Variants in IL1RAPL1 observed in about 807,000 individuals in gnomAD.
IL1RAPL1 encodes the protein interleukin-1 receptor accessory protein-like 1.
A neutral mutation model predicts 48.4 loss-of-function variants in IL1RAPL1; 3 were observed. The ratio of observed to expected loss-of-function variants is 0.06; its 90% confidence interval spans 0.03 to 0.16. The LOEUF is 0.16. Ranked by LOEUF, IL1RAPL1 falls within the 10% of genes least tolerant of loss-of-function variation. The pLI is 1.00. For synonymous variants in IL1RAPL1, 185 were observed against 187.7 expected, an observed-to-expected ratio of 0.99 and a Z score of 0.12; for missense variants, 349 against 530.6, an observed-to-expected ratio of 0.66 and a Z score of 3.36.
chrX:28,688,120 A>G (rs1044580772), intron 1 of IL1RAPL1, among the ~76,000 whole-genome samples: 6 of 109,361 alleles, frequency 5.5e-5, no homozygotes, highest in African/African-American at 2.0e-4. Context: ...AAAAAAAAAA[A>G]AAAGAGAAAA....
At chrX:29,766,778 T>C (rs183000858) in intron 6 of IL1RAPL1, among the ~76,000 whole-genome samples, 1,164 of 104,390 alleles carry the variant, frequency 0.011, 6 homozygotes, top group Non-Finnish European at 0.017. Context: ...ATTATAATTA[T>C]ATAAATATAA....
At chrX:29,929,803 A>G (rs186187120) in intron 8 of IL1RAPL1, among the ~76,000 whole-genome samples, 3 of 111,737 alleles carry the variant, frequency 2.7e-5, no homozygotes, top group African/African-American at 6.5e-5. Flanking sequence ...AATGAATTTG[A>G]CTTAAAAATT....
chrX:29,428,229 T>G (rs1934372753), intron 5 of IL1RAPL1, among the ~76,000 whole-genome samples: 1 of 112,013 alleles, frequency 8.9e-6, no homozygotes, highest in Admixed American at 9.5e-5. Context: ...ACAAAGGCTT[T>G]CAACAGCCAT....
At chrX:29,553,655 C>A (rs1921894323) in intron 5 of IL1RAPL1, among the ~76,000 whole-genome samples, 1 of 111,240 alleles carries the variant, frequency 9.0e-6, no homozygotes, top group Non-Finnish European at 1.9e-5. Context: ...GCTTTTTCCT[C>A]CTGGAAAATA....
intron 2 of IL1RAPL1, among the ~76,000 whole-genome samples, chrX:28,935,306 G>T (rs1381208962): frequency 9.0e-6 from 1 of 111,178 alleles, no homozygotes; most frequent in African/African-American, 3.3e-5. Flanking sequence ...AAAGCGTAAG[G>T]CAGAGTTCCA....
intron 1 of IL1RAPL1, among the ~76,000 whole-genome samples, chrX:28,751,026 C>A (rs1056577627): frequency 7.1e-5 from 8 of 111,973 alleles, no homozygotes; most frequent in Non-Finnish European, 1.5e-4. Flanking sequence ...TTAATTCAAC[C>A]GTGATTCTGT....
At chrX:29,918,189 T>A (rs1932817430) in intron 7 of IL1RAPL1, among the ~76,000 whole-genome samples, 4 of 45,848 alleles carry the variant, frequency 8.7e-5, no homozygotes, top group East Asian at 7.0e-4. Context: ...CAAAATACCA[T>A]AAAATATAGA....
chrX:28,868,656 C>T (rs974275163), intron 2 of IL1RAPL1, among the ~76,000 whole-genome samples: 2 of 111,482 alleles, frequency 1.8e-5, no homozygotes, highest in Non-Finnish European at 3.8e-5. Flanking sequence ...TGCATACCGC[C>T]CACTTGCACC....
chrX:29,140,802 T>C (rs1274839325), intron 2 of IL1RAPL1, among the ~76,000 whole-genome samples: 1 of 110,990 alleles, frequency 9.0e-6, no homozygotes, highest in Non-Finnish European at 1.9e-5. Flanking sequence ...GTGGAAGGGC[T>C]TCATCAGCCT....
intron 6 of IL1RAPL1, among the ~76,000 whole-genome samples, chrX:29,716,218 G>GA (rs1298810585): frequency 7.2e-5 from 8 of 111,387 alleles, no homozygotes; most frequent in African/African-American, 2.6e-4. Flanking sequence ...CAGAATTAAG[G>GA]AAAGAGATCG....
intron 5 of IL1RAPL1, among the ~76,000 whole-genome samples, chrX:29,654,397 T>TA (rs1196451433): frequency 2.7e-5 from 3 of 111,827 alleles, no homozygotes; most frequent in African/African-American, 9.8e-5. Context: ...CAAGACTGGG[T>TA]AATTTATAAA....
At chrX:28,834,160 C>T (rs1021947394) in intron 2 of IL1RAPL1, among the ~76,000 whole-genome samples, 1 of 111,290 alleles carries the variant, frequency 9.0e-6, no homozygotes, top group Non-Finnish European at 1.9e-5. Flanking sequence ...CCAGCCATTT[C>T]CTAGGTACAC....
At chrX:29,476,080 A>T (rs190249298) in intron 5 of IL1RAPL1, among the ~76,000 whole-genome samples, 28 of 111,627 alleles carry the variant, frequency 2.5e-4, no homozygotes, top group African/African-American at 8.5e-4. Context: ...AGCAGCCAAG[A>T]TGGAGTAAAA....
intron 1 of IL1RAPL1, among the ~76,000 whole-genome samples, chrX:28,621,887 A>G (rs140880387): frequency 0.012 from 1,376 of 111,597 alleles, 20 homozygotes; most frequent in African/African-American, 0.043. Context: ...AAAACACAGC[A>G]TCAGTATTAA....
chrX:29,791,661 T>G (rs1929640197), intron 6 of IL1RAPL1, among the ~76,000 whole-genome samples: 1 of 108,190 alleles, frequency 9.2e-6, no homozygotes, highest in South Asian at 4.1e-4. Flanking sequence ...TGACTTCAGG[T>G]GATCCACCCG....
chrX:29,759,848 G>T (rs1928713032), intron 6 of IL1RAPL1, among the ~76,000 whole-genome samples: 2 of 111,818 alleles, frequency 1.8e-5, no homozygotes, highest in Admixed American at 1.9e-4. Flanking sequence ...TGAGACAATG[G>T]TCTTTATATA....
chrX:29,654,184 T>C (rs958734078), intron 5 of IL1RAPL1, among the ~76,000 whole-genome samples: 2 of 110,461 alleles, frequency 1.8e-5, no homozygotes, highest in African/African-American at 6.6e-5. Flanking sequence ...TACTATTATA[T>C]TGGCATTTCA....
Position 28,779,656 on chromosome X carries a change from A to G in IL1RAPL1, c.-24-9664A>G, listed in dbSNP as rs1293586950. On this transcript the variant is annotated intron_variant, in intron 1 of 10. Coordinates refer to ENST00000378993, the MANE Select transcript of IL1RAPL1 (RefSeq NM_014271.4). ...TGTGTATATATATATATATATATAT[A>G]TATATATATATATATATATATAGAA... Among the ~76,000 whole-genome samples the G allele has an allele frequency of 3.7e-4, 32 of 86,864 alleles. 1 individual carries two copies. Among genetic ancestry groups the G allele is most frequent in the African/African-American group, 9.2e-4 (23 of 25,029 alleles). The allele number at this position is 86,864 out of a possible 115,157, so 75.4% of individuals were successfully genotyped here.
intron 3 of IL1RAPL1, among the ~76,000 whole-genome samples, chrX:29,353,345 A>C (rs1234018592): frequency 9.0e-6 from 1 of 111,705 alleles, no homozygotes; most frequent in Non-Finnish European, 1.9e-5. Flanking sequence ...TGATGGAAGA[A>C]CTGGAGGAAA....
Sources: gnomAD v4.1 joint callset for allele counts (sites outside exome capture counted in the v4.1 genomes callset) on GRCh38, gnomAD v4.1.1 for gene constraint, MANE v1.5 for transcripts, NCBI Gene and HGNC (gene_info 2026-07-23, HGNC 2026-07-21) for gene names.